The following GRM3 variants were observed in gnomAD, a reference collection of about 807,000 sequenced individuals.
GRM3 encodes glutamate metabotropic receptor 3, also known as metabotropic glutamate receptor 3.
GRM3 carries 26 observed loss-of-function variants against 70.5 expected under a neutral mutation model. That is an observed-to-expected ratio of 0.37 (90% CI 0.27 to 0.51). GRM3 has a LOEUF of 0.51. GRM3 is among the 20% of genes least tolerant of loss of function. The pLI is 0.93. For missense variants in GRM3, 859 were observed against 1,123.8 expected (o/e 0.76, Z 3.37); for synonymous variants, 443 against 434.9 (o/e 1.02, Z -0.23).
At chr7:86,715,254 G>C (rs2116194481) in intron 1 of GRM3, among the ~76,000 whole-genome samples, 1 of 152,024 alleles carries the variant, frequency 6.6e-6, no homozygotes, top group Admixed American at 6.6e-5. Context: ...GGTTACCTTG[G>C]TTGCACTCAT....
At chr7:86,741,079 C>T (rs1238577593) in intron 1 of GRM3, among the ~76,000 whole-genome samples, 15 of 152,104 alleles carry the variant, frequency 9.9e-5, no homozygotes, top group Non-Finnish European at 2.2e-4. Context: ...TTTCCTGGAC[C>T]ATCTCCACCC....
chr7:86,685,679 G>A (rs1181949945), intron 1 of GRM3, among the ~76,000 whole-genome samples: 1 of 152,180 alleles, frequency 6.6e-6, no homozygotes, highest in Non-Finnish European at 1.5e-5. Flanking sequence ...GGCCAAAGCA[G>A]GTGGATCACA....
intron 5 of GRM3, among the ~76,000 whole-genome samples, chr7:86,861,345 C>G (rs1472855225): frequency 6.6e-6 from 1 of 152,062 alleles, no homozygotes; most frequent in Admixed American, 6.6e-5. Context: ...ATTCCATGAC[C>G]AGCACTAGGG....
intron 3 of GRM3, among the ~76,000 whole-genome samples, chr7:86,836,580 A>C (rs1477953826): frequency 2.0e-5 from 3 of 152,186 alleles, no homozygotes; most frequent in Admixed American, 2.0e-4. Flanking sequence ...TTGGGTCAGA[A>C]GTGAGGTTTG....
intron 1 of GRM3, among the ~76,000 whole-genome samples, chr7:86,661,459 G>T (rs1046743514): frequency 3.3e-5 from 5 of 151,874 alleles, no homozygotes; most frequent in Non-Finnish European, 7.4e-5. Flanking sequence ...TAATAGTTCT[G>T]TTGTACAGAA....
At chr7:86,720,043 T>C (rs188261859) in intron 1 of GRM3, among the ~76,000 whole-genome samples, 10 of 152,046 alleles carry the variant, frequency 6.6e-5, no homozygotes, top group African/African-American at 1.9e-4. Context: ...CTACAGATAA[T>C]AGATTGGGAT....
intron 1 of GRM3, among the ~76,000 whole-genome samples, chr7:86,699,901 T>C (rs995747535): frequency 1.3e-5 from 2 of 151,980 alleles, no homozygotes; most frequent in Admixed American, 6.6e-5. Flanking sequence ...TTGACCTGCA[T>C]CCATGTAAAT....
intron 1 of GRM3, among the ~76,000 whole-genome samples, chr7:86,712,850 A>G (rs1795229783): frequency 6.6e-6 from 1 of 152,118 alleles, no homozygotes; most frequent in African/African-American, 2.4e-5. Flanking sequence ...TTCATTGTGT[A>G]TATAACATTT....
intron 3 of GRM3, among the ~76,000 whole-genome samples, chr7:86,833,826 T>C (rs1460396330): frequency 6.6e-6 from 1 of 152,204 alleles, no homozygotes; most frequent in African/African-American, 2.4e-5. Context: ...AAAATGGCTT[T>C]TTTTTGTTTA....
intron 3 of GRM3, among the ~76,000 whole-genome samples, chr7:86,822,397 T>C (rs1301107018): frequency 6.6e-6 from 1 of 151,778 alleles, no homozygotes; most frequent in Non-Finnish European, 1.5e-5. Flanking sequence ...TGCGGGATCA[T>C]GGTTAGCAAT....
chr7:86,669,278 C>T (rs1222047061), intron 1 of GRM3, among the ~76,000 whole-genome samples: 1 of 152,136 alleles, frequency 6.6e-6, no homozygotes, highest in Non-Finnish European at 1.5e-5. Context: ...CAGTATTTTT[C>T]AAATCTTCTC....
intron 1 of GRM3, among the ~76,000 whole-genome samples, chr7:86,699,389 C>T (rs1318023223): frequency 3.3e-5 from 5 of 152,014 alleles, no homozygotes; most frequent in Admixed American, 6.6e-5. Flanking sequence ...AGTTAAATAA[C>T]TTGGCAATTA....
intron 1 of GRM3, among the ~76,000 whole-genome samples, chr7:86,672,767 C>G (rs543178264): frequency 6.6e-6 from 1 of 152,164 alleles, no homozygotes; most frequent in South Asian, 2.1e-4. Flanking sequence ...AACCATGTCC[C>G]CTAAACTTTA....
At position 86,734,771 on chromosome 7, in the gene GRM3, T is replaced by C. The variant is rs536119825; in HGVS notation, c.-140-30235T>C. Among the ~76,000 whole-genome samples, 32 of 152,296 alleles carry C rather than the reference T, an allele frequency of 2.1e-4. No individual in the cohort carries two copies. The East Asian group carries it at 2.7e-3, about 13-fold the overall frequency. ...TGTATCTTTCTCTGGCCTATCATTT[T>C]TATTTTCATTTCCACTTCCATAGTC... On this transcript the variant is annotated intron_variant, in intron 1 of 5. Transcript: ENST00000361669.
At chr7:86,706,203 T>G (rs922892215) in intron 1 of GRM3, among the ~76,000 whole-genome samples, 6 of 152,098 alleles carry the variant, frequency 3.9e-5, no homozygotes, top group African/African-American at 1.2e-4. Context: ...CCTTTAGCCC[T>G]GAAGGTCAAG....
At chr7:86,751,784 C>A (rs367785462) in intron 1 of GRM3, among the ~76,000 whole-genome samples, 1 of 152,082 alleles carries the variant, frequency 6.6e-6, no homozygotes, top group Non-Finnish European at 1.5e-5. Context: ...GGCCTCTGCA[C>A]GCCCATCACT....
intron 1 of GRM3, among the ~76,000 whole-genome samples, chr7:86,728,390 T>C (rs1381905344): frequency 6.6e-6 from 1 of 152,228 alleles, no homozygotes; most frequent in African/African-American, 2.4e-5. Flanking sequence ...GAACTATTCA[T>C]AGTTTTGGAC....
At chr7:86,671,632 C>T (rs1316516773) in intron 1 of GRM3, among the ~76,000 whole-genome samples, 2 of 152,134 alleles carry the variant, frequency 1.3e-5, no homozygotes, top group African/African-American at 4.8e-5. Context: ...TTGGAAATTG[C>T]TTTAATCTAG....
intron 3 of GRM3, among the ~76,000 whole-genome samples, chr7:86,836,254 AACCTACGCTTTG>A: frequency 6.6e-6 from 1 of 152,272 alleles, no homozygotes; most frequent in South Asian, 2.1e-4. Context: ...ATTTTTAAAG[AACCTACGCTTTG>A]ACCCAACAGT....
Sources: allele counts gnomAD v4.1 joint callset (sites outside exome capture counted in the v4.1 genomes callset), GRCh38; gene constraint gnomAD v4.1.1; transcripts MANE v1.5; gene names NCBI Gene and HGNC (gene_info 2026-07-23, HGNC 2026-07-21).